The following TFEC variants were observed in gnomAD, a reference collection of about 807,000 sequenced individuals.
TFEC encodes transcription factor EC.
A neutral mutation model predicts 41.6 loss-of-function variants in TFEC; 31 were observed. The observed-to-expected ratio is 0.74, with a 90% confidence interval of 0.56 to 1.01. The LOEUF (loss-of-function observed/expected upper bound fraction) is 1.01. TFEC is among the 50% of genes least tolerant of loss of function. TFEC has a pLI of 0.00. For synonymous variants in TFEC, 143 were observed against 140.6 expected (o/e 1.02, Z -0.12); for missense variants, 402 against 404.1 (o/e 0.99, Z 0.04).
At chr7:116,058,562 G>A (rs1796481332) in intron 3 of TFEC, among the ~76,000 whole-genome samples, 1 of 151,700 alleles carries the variant, frequency 6.6e-6, no homozygotes, top group Non-Finnish European at 1.5e-5. Context: ...CTTTTATAGA[G>A]CACTTCACCC....
At chr7:115,944,215 A>G (rs1019003083) in intron 6 of TFEC, among the ~76,000 whole-genome samples, 3 of 151,004 alleles carry the variant, frequency 2.0e-5, no homozygotes, top group Non-Finnish European at 4.4e-5. Context: ...CAAGAGTAAT[A>G]GAGTAATTAA....
intron 5 of TFEC, among the ~76,000 whole-genome samples, chr7:115,951,805 T>C (rs1791957487): frequency 6.6e-6 from 1 of 152,066 alleles, no homozygotes; most frequent in Admixed American, 6.6e-5. Context: ...ATTCATTGCT[T>C]ATGGCAATTT....
At chr7:115,993,717 C>T (rs1794228703) in intron 1 of TFEC, among the ~76,000 whole-genome samples, 2 of 152,126 alleles carry the variant, frequency 1.3e-5, no homozygotes, top group Non-Finnish European at 2.9e-5. Context: ...AGGACACAAA[C>T]AAATGGAAGA....
chr7:116,126,168 A>T (rs1039224962), intron 1 of TFEC, among the ~76,000 whole-genome samples: 6 of 152,206 alleles, frequency 3.9e-5, no homozygotes, highest in African/African-American at 1.4e-4. Flanking sequence ...AGAAAATGAG[A>T]AAATGTGTTC....
At chr7:116,153,417 GC>G (rs1482639465) in intron 1 of TFEC, among the ~76,000 whole-genome samples, 1 of 152,078 alleles carries the variant, frequency 6.6e-6, no homozygotes, top group Non-Finnish European at 1.5e-5. Context: ...ACCATGTCCG[GC>G]TAATTTTTGT....
chr7:115,984,513 C>G lies in TFEC; in HGVS notation c.-72G>C, dbSNP rs1793768889. The G allele has an allele frequency of 6.2e-7, 1 of 1,613,108 alleles. No individual in the cohort carries two copies. The highest frequency in any genetic ancestry group is 8.5e-7 in the Non-Finnish European group (1 of 1,179,516). ...GCAGAACTTTCCAGGTGTGCTGGGA[C>G]CTACAAGATCAAAATTAAACAAATA... On this transcript the variant is annotated splice_region_variant and 5_prime_UTR_variant, in exon 2 of 8. Transcript: ENST00000265440.
intron 1 of TFEC, among the ~76,000 whole-genome samples, chr7:116,008,489 T>C (rs1794884885): frequency 6.6e-6 from 1 of 152,182 alleles, no homozygotes; most frequent in African/African-American, 2.4e-5. Context: ...ATAAATGAAC[T>C]AAAACTCTGA....
intron 6 of TFEC, among the ~76,000 whole-genome samples, chr7:115,944,573 C>A (rs1003310508): frequency 6.6e-6 from 1 of 151,624 alleles, no homozygotes; most frequent in African/African-American, 2.4e-5. Context: ...ATAAAAACTT[C>A]ATAGAATTCA....
At chr7:116,071,630 G>A (rs1796832234) in intron 3 of TFEC, among the ~76,000 whole-genome samples, 1 of 151,268 alleles carries the variant, frequency 6.6e-6, no homozygotes, top group African/African-American at 2.4e-5. Context: ...TGATTGTTAT[G>A]TAGAAGATGA....
At chr7:116,052,322 T>A (rs921685172) in intron 3 of TFEC, among the ~76,000 whole-genome samples, 1 of 152,190 alleles carries the variant, frequency 6.6e-6, no homozygotes. Context: ...GTGTTAAATA[T>A]AAGCCATTTC....
At chr7:116,145,359 G>T (rs4727826) in intron 1 of TFEC, among the ~76,000 whole-genome samples, 23,716 of 152,112 alleles carry the variant, frequency 0.16, 1,992 homozygotes, top group East Asian at 0.33. Flanking sequence ...TGTCCCATGT[G>T]AAGTAGCTAA....
chr7:116,010,784 G>A (rs546020269), intron 1 of TFEC, among the ~76,000 whole-genome samples: 74 of 151,902 alleles, frequency 4.9e-4, no homozygotes, highest in African/African-American at 1.6e-3. Flanking sequence ...ATTTTTTTGC[G>A]TGTTTTGCAA....
At position 116,004,788 on chromosome 7, in the gene TFEC, GA is replaced by G. The variant is rs112030961; in HGVS notation, c.-72-20276del. Reference sequence around the variant, plus strand: ...AAGAGAAAAAGCCATCTCCTGGTTGGAAAAAAAAAAAACATAATCATAGGGA... The same window carrying G: ...AAGAGAAAAAGCCATCTCCTGGTTGGAAAAAAAAAAACATAATCATAGGGA... On this transcript the variant is annotated intron_variant, in intron 1 of 7. Transcript: ENST00000265440. 7.4e-3 allele frequency among the ~76,000 whole-genome samples: 1,057 copies of G among 142,608 alleles called. 12 individuals carry two copies. Among genetic ancestry groups the G allele is most frequent in the Admixed American group, 0.031 (436 of 14,280 alleles). 93.6% of individuals were successfully genotyped at this position (142,608 alleles called of 152,430 possible). A position where few individuals can be genotyped will look rare whatever the true frequency, so the allele number is the denominator to read the frequency against.
At chr7:116,050,075 G>A (rs1796270912) in intron 3 of TFEC, among the ~76,000 whole-genome samples, 1 of 152,020 alleles carries the variant, frequency 6.6e-6, no homozygotes, top group Non-Finnish European at 1.5e-5. Context: ...AAGAACTAGA[G>A]AAGCAACAGC....
intron 1 of TFEC, among the ~76,000 whole-genome samples, chr7:116,114,590 A>G (rs1362088549): frequency 6.6e-6 from 1 of 151,940 alleles, no homozygotes; most frequent in Non-Finnish European, 1.5e-5. Context: ...GGAGACAGAG[A>G]GTTTCTGCAC....
At chr7:116,100,475 T>C (rs1235178908) in intron 3 of TFEC, among the ~76,000 whole-genome samples, 2 of 152,138 alleles carry the variant, frequency 1.3e-5, no homozygotes, top group East Asian at 3.9e-4. Flanking sequence ...TATGCCAGTC[T>C]TCATGCTTTA....
intron 3 of TFEC, among the ~76,000 whole-genome samples, chr7:116,082,225 TACAGGGTGA>T (rs1250461996): frequency 6.6e-6 from 1 of 152,032 alleles, no homozygotes; most frequent in Non-Finnish European, 1.5e-5. Flanking sequence ...ACGTATCTGC[TACAGGGTGA>T]ATGAGGACAT....
chr7:115,972,870 C>T (rs1793198127), intron 3 of TFEC, among the ~76,000 whole-genome samples: 1 of 151,806 alleles, frequency 6.6e-6, no homozygotes, highest in African/African-American at 2.4e-5. Flanking sequence ...AAGTAAGTAC[C>T]ATGTACAAAG....
Position 115,945,944 on chromosome 7 carries a change from G to A in TFEC, c.516-3904C>T, listed in dbSNP as rs141487729. ...ATAATTGTGACAAAGACTTTTGTATGGCCTGCAAAGCTTGAAATATTTACT... is the reference window on the plus strand; with the variant it reads ...ATAATTGTGACAAAGACTTTTGTATAGCCTGCAAAGCTTGAAATATTTACT... On this transcript the variant is annotated intron_variant, in intron 6 of 7. Coordinates refer to ENST00000265440, the MANE Select transcript of TFEC (RefSeq NM_012252.4). Among the ~76,000 whole-genome samples the A allele has an allele frequency of 3.0e-3, 453 of 151,710 alleles. 5 individuals are homozygous for A. The highest frequency in any genetic ancestry group is 0.011 in the African/African-American group (442 of 41,482).
Sources: allele counts gnomAD v4.1 joint callset (sites outside exome capture counted in the v4.1 genomes callset), GRCh38; gene constraint gnomAD v4.1.1; transcripts MANE v1.5; gene names NCBI Gene and HGNC (gene_info 2026-07-23, HGNC 2026-07-21).